Variants in TENM3 observed in about 807,000 individuals in gnomAD.
TENM3 encodes the protein teneurin-3.
TENM3 carries 63 observed loss-of-function variants against 255.1 expected under a neutral mutation model. That is an observed-to-expected ratio of 0.25 (90% CI 0.20 to 0.30). The LOEUF (loss-of-function observed/expected upper bound fraction) is 0.30, where lower values mean the gene tolerates loss of function less well. TENM3 is among the 10% of genes least tolerant of loss of function. TENM3 has a pLI of 1.00. For missense variants in TENM3, 2,929 were observed against 3,461.1 expected (o/e 0.85, Z 3.86); for synonymous variants, 1,306 against 1,322.3 (o/e 0.99, Z 0.27).
chr4:182,349,844 G>A (rs186362423), intron 3 of TENM3: 3 of 381,788 alleles, frequency 7.9e-6, no homozygotes, highest in Non-Finnish European at 1.0e-5. Context: ...ATACTAGCTT[G>A]AGATGTGTTC....
chr4:181,755,205 G>T, the TENM3 span, among the ~76,000 whole-genome samples: 2 of 152,068 alleles, frequency 1.3e-5, no homozygotes, highest in African/African-American at 2.4e-5. Context: ...GGAACAAAAG[G>T]CCTCCTAATC....
the TENM3 span, among the ~76,000 whole-genome samples, chr4:181,903,865 C>G: frequency 6.6e-6 from 1 of 152,094 alleles, no homozygotes; most frequent in Non-Finnish European, 1.5e-5. Context: ...ACCCAGGGCT[C>G]AATCCTCCTG....
chr4:182,643,625 G>A (rs1395255120), intron 5 of TENM3, among the ~76,000 whole-genome samples: 1 of 152,102 alleles, frequency 6.6e-6, no homozygotes, highest in Admixed American at 6.6e-5. Flanking sequence ...TTCAGACAGG[G>A]ACTCCAGTCT....
chr4:182,241,950 T>C (rs918414947), upstream of TENM3, among the ~76,000 whole-genome samples: 3 of 151,550 alleles, frequency 2.0e-5, no homozygotes, highest in African/African-American at 7.3e-5. Flanking sequence ...TCAGTTTTGC[T>C]CTCATCTGTT....
intron 2 of TENM3, among the ~76,000 whole-genome samples, chr4:182,328,495 C>T (rs1309852719): frequency 4.6e-5 from 7 of 152,102 alleles, no homozygotes; most frequent in African/African-American, 1.7e-4. Context: ...GGATTACAGG[C>T]GTGAGCCACT....
chr4:181,671,145 T>C, the TENM3 span, among the ~76,000 whole-genome samples: 1 of 152,174 alleles, frequency 6.6e-6, no homozygotes, highest in South Asian at 2.1e-4. Context: ...GAGAGTTGCC[T>C]AATATGAGGT....
chr4:182,064,580 C>CAA, the TENM3 span, among the ~76,000 whole-genome samples: 284 of 140,908 alleles, frequency 2.0e-3, 2 homozygotes, highest in African/African-American at 6.7e-3. Flanking sequence ...GACTTTGTCT[C>CAA]AAAAAAAAAA....
intron 3 of TENM3, among the ~76,000 whole-genome samples, chr4:182,587,264 A>G (rs1367550987): frequency 6.6e-6 from 1 of 151,868 alleles, no homozygotes. Flanking sequence ...GGCCCCATTA[A>G]TTTTCACATT....
At chr4:182,766,778 C>A (rs900871781) in intron 22 of TENM3, among the ~76,000 whole-genome samples, 2 of 151,976 alleles carry the variant, frequency 1.3e-5, no homozygotes, top group African/African-American at 4.8e-5. Flanking sequence ...CAGACTGCTA[C>A]CCTTTCTGGT....
At chr4:181,473,248 G>T in the TENM3 span, among the ~76,000 whole-genome samples, 2 of 151,954 alleles carry the variant, frequency 1.3e-5, no homozygotes, top group Non-Finnish European at 2.9e-5. Flanking sequence ...TTCCTTATTT[G>T]GTTGTTTTTC....
At chr4:181,801,596 C>G in the TENM3 span, among the ~76,000 whole-genome samples, 2 of 144,322 alleles carry the variant, frequency 1.4e-5, 1 homozygote, top group African/African-American at 5.1e-5. Flanking sequence ...AGCCCTAAGG[C>G]TGGCTCATGG....
the TENM3 span, among the ~76,000 whole-genome samples, chr4:181,954,676 AT>A: frequency 6.6e-6 from 1 of 151,866 alleles, no homozygotes; most frequent in African/African-American, 2.4e-5. Context: ...CAGTGGCTTG[AT>A]TTTTCATTTT....
At chr4:182,234,462 G>A (rs1756771306) in intron 1 of TENM3, among the ~76,000 whole-genome samples, 1 of 152,218 alleles carries the variant, frequency 6.6e-6, no homozygotes, top group Non-Finnish European at 1.5e-5. Context: ...GCCCTGTGCA[G>A]TGGCTCACGC....
chr4:181,851,704 A>G, the TENM3 span, among the ~76,000 whole-genome samples: 2 of 152,372 alleles, frequency 1.3e-5, no homozygotes, highest in East Asian at 3.9e-4. Flanking sequence ...TTCAAAAAGA[A>G]TAAGCATACA....
At position 182,447,693 on chromosome 4, in the gene TENM3, T is replaced by TA. The variant is rs564761676; in HGVS notation, c.511+100767dup. On this transcript the variant is annotated intron_variant, in intron 3 of 27. Coordinates refer to ENST00000511685, the MANE Select transcript of TENM3 (RefSeq NM_001080477.4). ...AGTTAAAATATGGAATGAGAGCTGATAAAGATATGTTGTTGATACTGGTAT... is the reference window on the plus strand; with the variant it reads ...AGTTAAAATATGGAATGAGAGCTGATAAAAGATATGTTGTTGATACTGGTAT... 1.3e-4 allele frequency among the ~76,000 whole-genome samples: 20 copies of TA among 152,318 alleles called. No individual in the cohort carries two copies. In the South Asian group the frequency reaches 4.1e-3, roughly 32 times the overall value.
At chr4:182,022,965 A>G in the TENM3 span, among the ~76,000 whole-genome samples, 1 of 152,240 alleles carries the variant, frequency 6.6e-6, no homozygotes, top group African/African-American at 2.4e-5. Flanking sequence ...ATTTTTTTCA[A>G]ATATAAAAGC....
intron 3 of TENM3, among the ~76,000 whole-genome samples, chr4:182,483,077 TATC>T (rs4069812): frequency 0.47 from 70,691 of 151,798 alleles, 17,838 homozygotes; most frequent in East Asian, 0.74. Flanking sequence ...TTACGGAGCA[TATC>T]ATCACCACAA....
chr4:181,453,666 G>C, the TENM3 span, among the ~76,000 whole-genome samples: 1 of 152,166 alleles, frequency 6.6e-6, no homozygotes, highest in Admixed American at 6.5e-5. Flanking sequence ...ACCGAAGGTG[G>C]ACCAGCATGC....
the TENM3 span, among the ~76,000 whole-genome samples, chr4:181,914,648 T>C: frequency 6.6e-6 from 1 of 152,170 alleles, no homozygotes; most frequent in South Asian, 2.1e-4. Flanking sequence ...GAGCTGAGCA[T>C]GTTTGAAGGC....
Sources: gnomAD v4.1 joint callset for allele counts (sites outside exome capture counted in the v4.1 genomes callset) on GRCh38, gnomAD v4.1.1 for gene constraint, MANE v1.5 for transcripts, NCBI Gene and HGNC (gene_info 2026-07-23, HGNC 2026-07-21) for gene names.